PARD3: variants seen among roughly 807,000 people sequenced by gnomAD.
PARD3 encodes the protein par-3 family cell polarity regulator.
Under a neutral mutation model 155.4 loss-of-function variants are expected in PARD3, and 75 were observed. The ratio of observed to expected loss-of-function variants is 0.48; its 90% CI spans 0.40 to 0.58. The LOEUF is 0.58. PARD3 is among the 20% of genes least tolerant of loss of function. The pLI is 0.00. For synonymous variants in PARD3, 576 were observed against 610.5 expected (o/e 0.94, Z 0.83); for missense variants, 1,642 against 1,721.7 (o/e 0.95, Z 0.82).
intron 17 of PARD3, 127 bp from the exon 18 acceptor site, chr10:34,336,370 A>T: frequency 1.6e-6 from 1 of 644,962 alleles, no homozygotes; most frequent in Non-Finnish European, 2.7e-6. Flanking sequence ...ATACTATGAA[A>T]CATCAAGCAA....
chr10:34,277,580 G>T (rs894870506), intron 21 of PARD3, among the ~76,000 whole-genome samples: 1 of 152,130 alleles, frequency 6.6e-6, no homozygotes, highest in African/African-American at 2.4e-5. Flanking sequence ...AAATTTTCTT[G>T]AGTGAAAACA....
rs1470122767 is a variant in PARD3, at chr10:34,167,820, G to A, written c.3420-36237C>T. Among the ~76,000 whole-genome samples, 9 of 152,032 alleles carry A rather than the reference G, an allele frequency of 5.9e-5. No homozygotes were observed. The East Asian group carries it at 1.7e-3, about 29-fold the overall frequency. ...ATAAGATGTATTTAATTTCTAATTT[G>A]TTTTCTAATTAAATTATTTTGATAG... On this transcript the variant is annotated intron_variant, in intron 22 of 24. Transcript: ENST00000374788.
At chr10:34,523,942 G>A (rs1343375449) in intron 2 of PARD3, among the ~76,000 whole-genome samples, 1 of 151,808 alleles carries the variant, frequency 6.6e-6, no homozygotes, top group Non-Finnish European at 1.5e-5. Context: ...TTCACTCAAG[G>A]ATGTCCAAAA....
At chr10:34,486,491 G>A (rs2079480440) in intron 3 of PARD3, among the ~76,000 whole-genome samples, 1 of 152,242 alleles carries the variant, frequency 6.6e-6, no homozygotes, top group Non-Finnish European at 1.5e-5. Context: ...AACTGCATGT[G>A]CAAAAGCCAG....
intron 22 of PARD3, among the ~76,000 whole-genome samples, chr10:34,166,790 T>C (rs889310121): frequency 6.6e-6 from 1 of 152,164 alleles, no homozygotes; most frequent in African/African-American, 2.4e-5. Context: ...TAAATACTTC[T>C]TTTTTAAGAA....
rs1215096673 is a variant in PARD3 at position 34,359,191 on chromosome 10, T to C, written c.2023A>G (p.Met675Val). The C allele has an allele frequency of 1.2e-6, 2 of 1,614,074 alleles. No individual in the cohort carries two copies. Among genetic ancestry groups the C allele is most frequent in the Non-Finnish European group, 8.5e-7 (1 of 1,179,938 alleles). Residue 675 changes from methionine to valine, a missense_variant, in exon 14 of 25, where the codon ATG becomes GTG. Transcript: ENST00000374788. ...SMSTEGNKRGMIQLIVARRIS... is the reference protein window; with the variant it reads ...SMSTEGNKRGVIQLIVARRIS... ...CTCCTTGCAACAATAAGCTGGATCA[T>C]TCCTCGTTTATTGCCTTCAGTAGAC...
rs566602626 is a variant in PARD3, at chr10:34,585,381, TAC to T, written c.223-68224_223-68223del. Among the ~76,000 whole-genome samples the T allele has an allele frequency of 3.9e-5, 6 of 152,326 alleles. No individual in the cohort carries two copies. In the South Asian group the frequency reaches 1.2e-3, roughly 32 times the overall value. On this transcript the variant is annotated intron_variant, in intron 2 of 24. Transcript: ENST00000374788. ...CTGCACCCATTAACTTACAGATGTT[TAC>T]ACATTCTTGTTAATGTTTATTTCAT...
At chr10:34,632,714 T>C (rs933937989) in intron 2 of PARD3, among the ~76,000 whole-genome samples, 7 of 152,244 alleles carry the variant, frequency 4.6e-5, no homozygotes, top group Middle Eastern at 3.2e-3. Flanking sequence ...ATACTGATTA[T>C]ACATAAATAC....
At chr10:34,429,366 T>C (rs1203450776) in intron 5 of PARD3, among the ~76,000 whole-genome samples, 2 of 151,984 alleles carry the variant, frequency 1.3e-5, no homozygotes, top group Non-Finnish European at 2.9e-5. Context: ...TGAGAAGCAT[T>C]AGAACCACAA....
intron 1 of PARD3, among the ~76,000 whole-genome samples, chr10:34,768,684 G>C (rs1320389794): frequency 6.6e-6 from 1 of 152,180 alleles, no homozygotes; most frequent in Non-Finnish European, 1.5e-5. Context: ...CACTCTGAGG[G>C]TGTCACAGCA....
intron 4 of PARD3, among the ~76,000 whole-genome samples, chr10:34,458,091 G>A (rs1564736140): frequency 6.6e-6 from 1 of 152,136 alleles, no homozygotes; most frequent in Non-Finnish European, 1.5e-5. Context: ...TCATAGAGAT[G>A]GTTGGTTCAC....
chr10:34,233,877 C>A (rs1229364111), intron 22 of PARD3, among the ~76,000 whole-genome samples: 1 of 152,054 alleles, frequency 6.6e-6, no homozygotes, highest in African/African-American at 2.4e-5. Flanking sequence ...TGTCTCTGAG[C>A]TCCAAGGTGG....
At chr10:34,572,641 A>C (rs888840263) in intron 2 of PARD3, among the ~76,000 whole-genome samples, 1 of 135,804 alleles carries the variant, frequency 7.4e-6, no homozygotes, top group Admixed American at 7.2e-5. Flanking sequence ...ACTCTGTCTC[A>C]AAAAAAAAAA....
At chr10:34,683,165 TTC>T (rs2093877538) in intron 2 of PARD3, among the ~76,000 whole-genome samples, 1 of 152,054 alleles carries the variant, frequency 6.6e-6, no homozygotes, top group Admixed American at 6.6e-5. Flanking sequence ...CGTATTCTCA[TTC>T]ATAAGTGGAA....
chr10:34,769,804 C>CA (rs58592886), intron 1 of PARD3, among the ~76,000 whole-genome samples: 93,547 of 142,290 alleles, frequency 0.66, 31,120 homozygotes, highest in Non-Finnish European at 0.71. Context: ...AAAAACAAAA[C>CA]AAAAAAAAAA....
At chr10:34,138,801 C>G (rs1385637761) in intron 22 of PARD3, among the ~76,000 whole-genome samples, 1 of 151,956 alleles carries the variant, frequency 6.6e-6, no homozygotes, top group Non-Finnish European at 1.5e-5. Flanking sequence ...GGCCTATGTA[C>G]AAAATTCTAT....
intron 2 of PARD3, among the ~76,000 whole-genome samples, chr10:34,548,769 T>C (rs2084310917): frequency 6.6e-6 from 1 of 151,992 alleles, no homozygotes; most frequent in South Asian, 2.1e-4. Context: ...CAGCCTTTTA[T>C]TGGCTTTAGT....
chr10:34,494,606 ATCTT>A (rs2080148091), intron 3 of PARD3, among the ~76,000 whole-genome samples: 3 of 152,200 alleles, frequency 2.0e-5, no homozygotes, highest in African/African-American at 7.2e-5. Flanking sequence ...TGTTAGGAAA[ATCTT>A]TCTGAGCATG....
chr10:34,794,375 T>C (rs561587716), intron 1 of PARD3, among the ~76,000 whole-genome samples: 3 of 152,344 alleles, frequency 2.0e-5, no homozygotes, highest in South Asian at 4.1e-4. Flanking sequence ...AAATATGACA[T>C]CTCTTTGATA....
Sources: gnomAD v4.1 joint callset for allele counts (sites outside exome capture counted in the v4.1 genomes callset) on GRCh38, gnomAD v4.1.1 for gene constraint, MANE v1.5 for transcripts, NCBI Gene and HGNC (gene_info 2026-07-23, HGNC 2026-07-21) for gene names.